MTUS2: variants seen among roughly 807,000 people sequenced by gnomAD.
The protein encoded by MTUS2 is microtubule associated scaffold protein 2.
A neutral mutation model predicts 114.1 loss-of-function variants in MTUS2; 40 were observed. The ratio of observed to expected loss-of-function variants is 0.35; its 90% CI spans 0.27 to 0.46. MTUS2 has a LOEUF of 0.46. Among genes scored for constraint, MTUS2 ranks in the 20% least tolerant of loss-of-function variants. The pLI is 1.00. For synonymous variants in MTUS2, 688 were observed against 672.0 expected, an observed-to-expected ratio of 1.02 and a Z score of -0.37; for missense variants, 1,679 against 1,705.4, an observed-to-expected ratio of 0.98 and a Z score of 0.27.
chr13:29,326,445 C>G (rs189121175), intron 7 of MTUS2, among the ~76,000 whole-genome samples: 205 of 151,924 alleles, frequency 1.3e-3, no homozygotes, highest in African/African-American at 4.8e-3. Flanking sequence ...GTTAAAATAT[C>G]TGTTAAAATT....
intron 2 of MTUS2, among the ~76,000 whole-genome samples, chr13:29,015,560 T>C (rs1450384286): frequency 6.6e-6 from 1 of 152,184 alleles, no homozygotes; most frequent in Non-Finnish European, 1.5e-5. Context: ...CAAATGTGCA[T>C]ACCCGTTAAC....
intron 5 of MTUS2, among the ~76,000 whole-genome samples, chr13:29,230,900 A>G (rs1896297564): frequency 1.3e-5 from 2 of 152,206 alleles, no homozygotes; most frequent in Admixed American, 1.3e-4. Context: ...CAAGAATGGC[A>G]AGTCTTTAAT....
In MTUS2 at chr13:29,420,719, A is replaced by G. The variant is rs548092800; in HGVS notation, c.3118-19264A>G. 7.2e-5 allele frequency among the ~76,000 whole-genome samples: 11 copies of G among 152,286 alleles called. No individual in the cohort carries two copies. In the South Asian group the frequency reaches 8.3e-4, roughly 11 times the overall value. On this transcript the variant is annotated intron_variant, in intron 8 of 15. Coordinates refer to ENST00000612955, the MANE Select transcript of MTUS2 (RefSeq NM_001033602.4). The stretch of plus-strand genomic sequence containing the variant: ...TCTGCCAGCTGCTTCCCATCCCTCT[A>G]TCTGATTTTACCTATCAGTTGTCCA...
chr13:29,102,570 T>A (rs1890467477), intron 5 of MTUS2, among the ~76,000 whole-genome samples: 1 of 152,200 alleles, frequency 6.6e-6, no homozygotes, highest in African/African-American at 2.4e-5. Context: ...ACTCCCAGTT[T>A]AAAGACTTCA....
chr13:29,394,587 A>C (rs867804996), intron 8 of MTUS2, among the ~76,000 whole-genome samples: 2 of 152,192 alleles, frequency 1.3e-5, no homozygotes, highest in Non-Finnish European at 2.9e-5. Flanking sequence ...ACTCTTAGTT[A>C]ATCTCTCCTG....
chr13:29,172,800 G>A (rs1566046448), intron 5 of MTUS2, among the ~76,000 whole-genome samples: 1 of 152,190 alleles, frequency 6.6e-6, no homozygotes, highest in Admixed American at 6.5e-5. Flanking sequence ...GTGAAGGTGT[G>A]ATCATGCAGT....
At chr13:28,924,325 C>T (rs193177544) in intron 2 of MTUS2, among the ~76,000 whole-genome samples, 2 of 152,246 alleles carry the variant, frequency 1.3e-5, no homozygotes, top group East Asian at 3.9e-4. Flanking sequence ...TGAGTCTGTG[C>T]CGTTTTATTC....
At position 29,102,594 on chromosome 13, in the gene MTUS2, A is replaced by C. The variant is rs138902700; in HGVS notation, c.2644+1624A>C. Among the ~76,000 whole-genome samples the C allele has an allele frequency of 1.3e-3, 204 of 152,348 alleles. 2 individuals are homozygous for C. In the East Asian group the frequency reaches 0.014, roughly 10 times the overall value. ...TTAAAGACTTCATACTAAAAGTCAC[A>C]CTTTTATATGAATGTCTATCCAGAA... is the stretch of plus-strand genomic sequence containing the variant. On this transcript the variant is annotated intron_variant, in intron 5 of 15. Coordinates refer to ENST00000612955, the MANE Select transcript of MTUS2 (RefSeq NM_001033602.4).
chr13:28,820,056 C>T (rs1045098277), upstream of MTUS2, among the ~76,000 whole-genome samples: 7 of 146,970 alleles, frequency 4.8e-5, no homozygotes, highest in East Asian at 2.0e-4. Context: ...CCACTGTCAC[C>T]GCGGACGGCA....
At chr13:28,852,975 T>A (rs2793651) in intron 2 of MTUS2, among the ~76,000 whole-genome samples, 7,470 of 151,124 alleles carry the variant, frequency 0.049, 650 homozygotes, top group African/African-American at 0.17. Context: ...ATACATACAT[T>A]CATTCATTCA....
At chr13:28,966,479 T>C (rs933612165) in intron 2 of MTUS2, among the ~76,000 whole-genome samples, 45 of 152,084 alleles carry the variant, frequency 3.0e-4, no homozygotes, top group African/African-American at 1.1e-3. Context: ...CCAAGCACGT[T>C]GTGGGGGCTG....
chr13:29,148,283 G>A (rs1182665756), intron 5 of MTUS2, among the ~76,000 whole-genome samples: 1 of 150,256 alleles, frequency 6.7e-6, no homozygotes, highest in Non-Finnish European at 1.5e-5. Flanking sequence ...ATAAGTAAAT[G>A]TGTGCGATGC....
intron 10 of MTUS2, 34 bp from the exon 11 acceptor site, chr13:29,487,866 C>G (rs1566232195): frequency 2.0e-6 from 3 of 1,520,038 alleles, no homozygotes; most frequent in Middle Eastern, 1.7e-4. Flanking sequence ...CCAAGCAGCT[C>G]TCTGTCTAAC....
intron 5 of MTUS2, among the ~76,000 whole-genome samples, chr13:29,132,397 AACGATG>A (rs1288054784): frequency 6.6e-6 from 1 of 152,178 alleles, no homozygotes. Flanking sequence ...TTGGCATCTT[AACGATG>A]AAGTGTACAG....
At chr13:29,311,420 T>G (rs1011985269) in intron 6 of MTUS2, among the ~76,000 whole-genome samples, 1 of 152,198 alleles carries the variant, frequency 6.6e-6, no homozygotes, top group East Asian at 1.9e-4. Context: ...TAGATATGTT[T>G]AAAACTATAT....
chr13:29,112,115 A>C (rs188740928), intron 5 of MTUS2, among the ~76,000 whole-genome samples: 1 of 152,356 alleles, frequency 6.6e-6, no homozygotes, highest in African/African-American at 2.4e-5. Flanking sequence ...ATTTGGGCTG[A>C]AAATAAGGAG....
Position 29,190,774 on chromosome 13 carries a change from T to C in MTUS2, c.2644+89804T>C, listed in dbSNP as rs76863982. Among the ~76,000 whole-genome samples the C allele has an allele frequency of 7.7e-3, 1,166 of 152,300 alleles. 16 individuals are homozygous for C. Among genetic ancestry groups the C allele is most frequent in the African/African-American group, 0.026 (1,093 of 41,560 alleles). ...CAGTACTTTCCAGGCAGGATGATGG[T>C]ATTATGGTCCTCTCTCAATAGAGGG... On this transcript the variant is annotated intron_variant, in intron 5 of 15. Transcript: ENST00000612955.
At chr13:29,211,365 C>A (rs1364292437) in intron 5 of MTUS2, among the ~76,000 whole-genome samples, 2 of 152,294 alleles carry the variant, frequency 1.3e-5, no homozygotes, top group Non-Finnish European at 2.9e-5. Flanking sequence ...GGCTACAAGC[C>A]TCCCTGCTGA....
At chr13:28,904,346 G>A (rs1879845285) in intron 2 of MTUS2, among the ~76,000 whole-genome samples, 1 of 152,096 alleles carries the variant, frequency 6.6e-6, no homozygotes, top group African/African-American at 2.4e-5. Context: ...TGTCCTGAAT[G>A]GTATTGCCTA....
Sources: gnomAD v4.1 joint callset for allele counts (sites outside exome capture counted in the v4.1 genomes callset) on GRCh38, gnomAD v4.1.1 for gene constraint, MANE v1.5 for transcripts, NCBI Gene and HGNC (gene_info 2026-07-23, HGNC 2026-07-21) for gene names.